Variants in INPP4B observed in about 807,000 individuals in gnomAD.
The protein encoded by INPP4B is inositol polyphosphate 4-phosphatase type II.
INPP4B carries 55 observed loss-of-function variants against 122.5 expected under a neutral mutation model. The observed-to-expected ratio is 0.45, with a 90% CI of 0.36 to 0.56. The LOEUF (loss-of-function observed/expected upper bound fraction) is 0.56. Among genes scored for constraint, INPP4B ranks in the 20% least tolerant of loss-of-function variants. The pLI, the probability that INPP4B is intolerant of heterozygous loss-of-function variation, is 0.00. For missense variants in INPP4B, 1,000 were observed against 1,097.7 expected, an observed-to-expected ratio of 0.91 and a Z score of 1.26; for synonymous variants, 403 against 388.7, an observed-to-expected ratio of 1.04 and a Z score of -0.43.
intron 7 of INPP4B, chr4:142,384,074 C>T: frequency 1.4e-6 from 1 of 701,958 alleles, no homozygotes; most frequent in Non-Finnish European, 2.6e-6. Flanking sequence ...GCTCTGAGGA[C>T]CTCAAGATCC....
intron 1 of INPP4B, among the ~76,000 whole-genome samples, chr4:142,815,281 A>T (rs1013659758): frequency 6.6e-6 from 1 of 152,196 alleles, no homozygotes; most frequent in Non-Finnish European, 1.5e-5. Flanking sequence ...ATGTACTGGC[A>T]TTAGATAAAA....
intron 1 of INPP4B, among the ~76,000 whole-genome samples, chr4:142,843,201 TC>T: frequency 6.6e-6 from 1 of 151,382 alleles, no homozygotes; most frequent in Non-Finnish European, 1.5e-5. Flanking sequence ...ACTACATGTA[TC>T]TTGCACAACA....
chr4:142,309,750 G>A lies in INPP4B; in HGVS notation c.424-4213C>T, dbSNP rs575716008. Among the ~76,000 whole-genome samples, 6 of 152,162 alleles carry A rather than the reference G, an allele frequency of 3.9e-5. No individual in the cohort carries two copies. The South Asian group carries it at 6.2e-4, about 16-fold the overall frequency. On this transcript the variant is annotated intron_variant, in intron 8 of 25. Transcript: ENST00000262992. The stretch of plus-strand genomic sequence containing the variant: ...CCTGCTCATGACAACTCAACACTCA[G>A]TTATTCTGGTGCAAGAACCCCAAAG...
chr4:142,829,813 T>C (rs1781897545), intron 1 of INPP4B, among the ~76,000 whole-genome samples: 4 of 152,198 alleles, frequency 2.6e-5, no homozygotes, highest in African/African-American at 9.6e-5. Flanking sequence ...ACAAATGTTC[T>C]ACTTAGAAAA....
At chr4:142,352,711 C>T (rs1278270555) in intron 7 of INPP4B, among the ~76,000 whole-genome samples, 1 of 151,842 alleles carries the variant, frequency 6.6e-6, no homozygotes, top group African/African-American at 2.4e-5. Context: ...GTTAATTAAA[C>T]ACCTATGAAA....
chr4:142,206,075 T>C (rs1842474265), intron 14 of INPP4B, among the ~76,000 whole-genome samples: 1 of 152,160 alleles, frequency 6.6e-6, no homozygotes, highest in South Asian at 2.1e-4. Context: ...CCTTCTGCTG[T>C]GCTTTTACAT....
intron 18 of INPP4B, among the ~76,000 whole-genome samples, chr4:142,139,605 C>T (rs1719106964): frequency 6.6e-6 from 1 of 152,260 alleles, no homozygotes; most frequent in Non-Finnish European, 1.5e-5. Context: ...CCCTGCCCGG[C>T]CCAGTCTTTA....
intron 25 of INPP4B, among the ~76,000 whole-genome samples, chr4:142,070,782 G>T (rs1322441663): frequency 6.6e-6 from 1 of 152,114 alleles, no homozygotes; most frequent in African/African-American, 2.4e-5. Context: ...AGTTACAAGG[G>T]ATGTGAAGGA....
chr4:142,363,361 G>GTA (rs1481249147), intron 7 of INPP4B, among the ~76,000 whole-genome samples: 2 of 151,550 alleles, frequency 1.3e-5, no homozygotes. Context: ...ATGTGTGTGT[G>GTA]TATACACATG....
intron 2 of INPP4B, among the ~76,000 whole-genome samples, chr4:142,497,201 C>T (rs17016248): frequency 0.16 from 24,033 of 151,964 alleles, 2,234 homozygotes; most frequent in East Asian, 0.39. Flanking sequence ...TTATTAGCCA[C>T]GTCACATCCC....
At position 142,327,253 on chromosome 4, in the gene INPP4B, AG is replaced by A. The variant is rs372866357; in HGVS notation, c.373-12492del. Among the ~76,000 whole-genome samples, 623 of 152,296 alleles carry A rather than the reference AG, an allele frequency of 4.1e-3. 6 individuals carry two copies. Among genetic ancestry groups the A allele is most frequent in the African/African-American group, 0.014 (576 of 41,552 alleles). Reference sequence around the variant, plus strand: ...AATCTGTTGCTCACTGAAAGTCATTAGTCCCAACAATATAAGGCTAAATAAT... The same window carrying A: ...AATCTGTTGCTCACTGAAAGTCATTATCCCAACAATATAAGGCTAAATAAT... On this transcript the variant is annotated intron_variant, in intron 7 of 25. Transcript: ENST00000262992.
At chr4:142,061,911 T>C (rs1434985833) in intron 25 of INPP4B, among the ~76,000 whole-genome samples, 16 of 5,474 alleles carry the variant, frequency 2.9e-3, no homozygotes, top group South Asian at 0.014. Flanking sequence ...TATATATATA[T>C]ATATATATAT....
chr4:142,058,101 CATACAAG>C (rs1355794881), intron 25 of INPP4B, among the ~76,000 whole-genome samples: 1 of 152,014 alleles, frequency 6.6e-6, no homozygotes, highest in Admixed American at 6.6e-5. Flanking sequence ...GTAAAAATAC[CATACAAG>C]TCAAGATCCT....
intron 17 of INPP4B, among the ~76,000 whole-genome samples, chr4:142,148,576 A>T (rs1362244841): frequency 6.6e-6 from 1 of 152,222 alleles, no homozygotes; most frequent in Non-Finnish European, 1.5e-5. Flanking sequence ...ATATAAAGGA[A>T]TGTAAGGGAT....
intron 7 of INPP4B, among the ~76,000 whole-genome samples, chr4:142,331,317 C>T (rs1774417714): frequency 6.6e-6 from 1 of 152,120 alleles, no homozygotes; most frequent in Non-Finnish European, 1.5e-5. Context: ...ATCAGCTCTC[C>T]AGGGACAGTA....
intron 1 of INPP4B, among the ~76,000 whole-genome samples, chr4:142,804,284 G>A (rs1436588552): frequency 6.6e-6 from 1 of 151,990 alleles, no homozygotes; most frequent in African/African-American, 2.4e-5. Flanking sequence ...TGGTAATACC[G>A]AAATTCTTAC....
At chr4:142,385,688 A>G (rs552268156) in intron 7 of INPP4B, among the ~76,000 whole-genome samples, 8 of 152,208 alleles carry the variant, frequency 5.3e-5, no homozygotes, top group South Asian at 2.1e-4. Context: ...TAAAATAACA[A>G]TGAAATACCT....
intron 1 of INPP4B, among the ~76,000 whole-genome samples, chr4:142,831,797 T>C (rs1238198819): frequency 1.3e-5 from 2 of 152,222 alleles, no homozygotes; most frequent in South Asian, 2.1e-4. Context: ...AGATAGAAGA[T>C]GCTTCATAGA....
At chr4:142,522,987 T>C (rs1826303544) in intron 2 of INPP4B, among the ~76,000 whole-genome samples, 2 of 151,982 alleles carry the variant, frequency 1.3e-5, no homozygotes, top group Admixed American at 1.3e-4. Context: ...AGCTGTGAGT[T>C]TGAAAAGAAA....
Sources: allele counts gnomAD v4.1 joint callset (sites outside exome capture counted in the v4.1 genomes callset), GRCh38; gene constraint gnomAD v4.1.1; transcripts MANE v1.5; gene names NCBI Gene and HGNC (gene_info 2026-07-23, HGNC 2026-07-21).